NOX4: variants seen among roughly 807,000 people sequenced by gnomAD.
The protein encoded by NOX4 is NADPH oxidase 4, also known as kidney oxidase-1.
NOX4 carries 69 observed loss-of-function variants against 87.6 expected under a neutral mutation model. That is an observed-to-expected ratio of 0.79 (90% CI 0.65 to 0.96). NOX4 has a LOEUF of 0.96. NOX4 is among the 40% of genes least tolerant of loss of function. The pLI is 0.00. For missense variants in NOX4, 680 were observed against 681.5 expected, an observed-to-expected ratio of 1.00 and a Z score of 0.02; for synonymous variants, 275 against 238.2, an observed-to-expected ratio of 1.15 and a Z score of -1.42.
the NOX4 span, among the ~76,000 whole-genome samples, chr11:89,507,132 T>G: frequency 6.6e-6 from 1 of 151,904 alleles, no homozygotes; most frequent in Non-Finnish European, 1.5e-5. Context: ...GATGAAGATT[T>G]TCTGTGGCTG....
the NOX4 span, among the ~76,000 whole-genome samples, chr11:89,517,430 C>G: frequency 1.4e-4 from 21 of 152,000 alleles, no homozygotes; most frequent in South Asian, 3.5e-3. Context: ...CAAAAGCACC[C>G]TGTACCCTTT....
intron 7 of NOX4, among the ~76,000 whole-genome samples, chr11:89,422,352 C>A (rs1445511242): frequency 6.6e-6 from 1 of 152,068 alleles, no homozygotes; most frequent in Admixed American, 6.6e-5. Flanking sequence ...TCCAAAACAA[C>A]CAAAGCTCCT....
chr11:89,543,310 AGTT>A, the NOX4 span, among the ~76,000 whole-genome samples: 1 of 152,190 alleles, frequency 6.6e-6, no homozygotes, highest in Non-Finnish European at 1.5e-5. Context: ...GACAGTTAGA[AGTT>A]GTTGTTCAAA....
upstream of NOX4, chr11:89,491,450 G>A: frequency 1.9e-6 from 1 of 537,016 alleles, no homozygotes; most frequent in Non-Finnish European, 3.2e-6. Flanking sequence ...CGGGCGCCCT[G>A]ACTCCCACCC....
chr11:89,530,776 G>A, the NOX4 span, among the ~76,000 whole-genome samples: 1 of 152,030 alleles, frequency 6.6e-6, no homozygotes, highest in East Asian at 1.9e-4. Context: ...TACAAGCTGA[G>A]CTAATTGGAG....
chr11:89,532,834 T>C, the NOX4 span, among the ~76,000 whole-genome samples: 1 of 152,260 alleles, frequency 6.6e-6, no homozygotes, highest in Non-Finnish European at 1.5e-5. Flanking sequence ...GTTCTCATGA[T>C]ACTGAGTTCT....
upstream of NOX4, chr11:89,491,533 G>A (rs1946857837): frequency 4.6e-6 from 2 of 433,840 alleles, no homozygotes; most frequent in Non-Finnish European, 8.1e-6. Context: ...GGCTGCACCA[G>A]TCTGCTCCGC....
At chr11:89,531,114 C>A in the NOX4 span, among the ~76,000 whole-genome samples, 2 of 152,132 alleles carry the variant, frequency 1.3e-5, no homozygotes, top group Non-Finnish European at 2.9e-5. Flanking sequence ...AGTTCTAACA[C>A]CAAATATGCC....
intron 11 of NOX4, among the ~76,000 whole-genome samples, chr11:89,385,178 A>G (rs1940605305): frequency 6.6e-6 from 1 of 152,100 alleles, no homozygotes. Flanking sequence ...CTGCACCACC[A>G]TGCTGTTATA....
At chr11:89,413,574 A>G (rs1942600846) in intron 8 of NOX4, among the ~76,000 whole-genome samples, 1 of 152,170 alleles carries the variant, frequency 6.6e-6, no homozygotes, top group African/African-American at 2.4e-5. Context: ...AGCAAGGCAC[A>G]GAAAGACAAA....
chr11:89,448,679 C>T (rs1438835896), intron 4 of NOX4, among the ~76,000 whole-genome samples: 3 of 151,890 alleles, frequency 2.0e-5, no homozygotes, highest in Non-Finnish European at 1.5e-5. Context: ...CTCAGAAGTT[C>T]GAGATCAGCC....
At chr11:89,406,742 A>T (rs1444750283) in intron 8 of NOX4, among the ~76,000 whole-genome samples, 2 of 152,120 alleles carry the variant, frequency 1.3e-5, no homozygotes, top group African/African-American at 2.4e-5. Context: ...ATACTATTTC[A>T]CTTTAATTTA....
intron 11 of NOX4, among the ~76,000 whole-genome samples, chr11:89,383,010 C>T (rs1940410624): frequency 6.6e-6 from 1 of 152,090 alleles, no homozygotes; most frequent in South Asian, 2.1e-4. Context: ...TCTCAATATG[C>T]ATTTTATCAC....
At chr11:89,428,126 A>C (rs545001699) in intron 7 of NOX4, among the ~76,000 whole-genome samples, 1 of 152,306 alleles carries the variant, frequency 6.6e-6, no homozygotes, top group South Asian at 2.1e-4. Flanking sequence ...ACTAAGCTTC[A>C]TAAGTGAAGG....
chr11:89,376,520 A>G (rs1980003), intron 11 of NOX4, among the ~76,000 whole-genome samples: 14,180 of 152,224 alleles, frequency 0.093, 800 homozygotes, highest in South Asian at 0.19. Flanking sequence ...ATTAAAAGAT[A>G]TGCTTATGGC....
intron 6 of NOX4, among the ~76,000 whole-genome samples, chr11:89,438,561 A>G (rs1565292548): frequency 1.1e-5 from 1 of 88,414 alleles, no homozygotes; most frequent in African/African-American, 5.4e-5. Flanking sequence ...TATACTATAT[A>G]TAATATAATA....
intron 12 of NOX4, among the ~76,000 whole-genome samples, chr11:89,366,613 G>A (rs1483639600): frequency 2.0e-5 from 3 of 151,390 alleles, no homozygotes; most frequent in Admixed American, 2.0e-4. Context: ...CATAGATCCT[G>A]GAAGGTCAAG....
chr11:89,464,458 A>G (rs754387323), intron 2 of NOX4, among the ~76,000 whole-genome samples: 1 of 152,218 alleles, frequency 6.6e-6, no homozygotes, highest in Non-Finnish European at 1.5e-5. Flanking sequence ...TGGCAAGATT[A>G]TAAGAAAACA....
intron 8 of NOX4, among the ~76,000 whole-genome samples, chr11:89,416,545 G>T (rs1354261826): frequency 6.6e-6 from 1 of 152,100 alleles, no homozygotes; most frequent in Non-Finnish European, 1.5e-5. Context: ...GAGGCCCGAG[G>T]CCATAATAGA....
Sources: gnomAD v4.1 joint callset for allele counts (sites outside exome capture counted in the v4.1 genomes callset) on GRCh38, gnomAD v4.1.1 for gene constraint, MANE v1.5 for transcripts, NCBI Gene and HGNC (gene_info 2026-07-23, HGNC 2026-07-21) for gene names.